Variants in PDE5A observed in about 807,000 individuals in gnomAD.
PDE5A encodes phosphodiesterase 5A, also known as cGMP-specific 3',5'-cyclic phosphodiesterase.
Under a neutral mutation model 110.2 loss-of-function variants are expected in PDE5A, and 67 were observed. The observed-to-expected ratio is 0.61, with a 90% CI of 0.50 to 0.75. The LOEUF (loss-of-function observed/expected upper bound fraction) is 0.75. Among genes scored for constraint, PDE5A ranks in the 30% least tolerant of loss-of-function variants. The pLI, the probability that PDE5A is intolerant of heterozygous loss-of-function variation, is 0.00. For missense variants in PDE5A, 862 were observed against 1,045.1 expected (o/e 0.82, Z 2.42); for synonymous variants, 328 against 351.2 (o/e 0.93, Z 0.74).
intron 3 of PDE5A, among the ~76,000 whole-genome samples, chr4:119,592,719 T>C (rs1729022684): frequency 6.6e-6 from 1 of 152,106 alleles, no homozygotes; most frequent in Non-Finnish European, 1.5e-5. Context: ...CATTTTGGAT[T>C]TTCAAATTAG....
At chr4:119,568,536 C>T (rs888383242) in intron 3 of PDE5A, among the ~76,000 whole-genome samples, 16 of 152,156 alleles carry the variant, frequency 1.1e-4, no homozygotes, top group East Asian at 1.9e-4. Flanking sequence ...TTACTCTGAA[C>T]GAGCTCAGAA....
At chr4:119,538,858 GTTAA>G (rs987574167) in intron 11 of PDE5A, 98 bp downstream of exon 11, 12 of 874,390 alleles carry the variant, frequency 1.4e-5, no homozygotes, top group South Asian at 1.2e-4. Context: ...AGAAAGCAGA[GTTAA>G]TTAAACATTT....
At chr4:119,572,252 T>C (rs1728166169) in intron 3 of PDE5A, among the ~76,000 whole-genome samples, 1 of 152,262 alleles carries the variant, frequency 6.6e-6, no homozygotes, top group Non-Finnish European at 1.5e-5. Context: ...ATTTATATTT[T>C]ATGCTATTAT....
intron 1 of PDE5A, among the ~76,000 whole-genome samples, chr4:119,615,503 G>A (rs1189616766): frequency 6.6e-6 from 1 of 151,834 alleles, no homozygotes; most frequent in East Asian, 1.9e-4. Context: ...ACAGGTTGAG[G>A]GGCCCTAACT....
chr4:119,563,669 C>G (rs988266155), intron 5 of PDE5A, among the ~76,000 whole-genome samples: 1 of 152,050 alleles, frequency 6.6e-6, no homozygotes, highest in African/African-American at 2.4e-5. Flanking sequence ...AGAGCACAGA[C>G]TATAAAGAGA....
At chr4:119,500,970 ATAG>A (rs1725299710) in intron 20 of PDE5A, 197 bp downstream of exon 20, 1 of 544,454 alleles carries the variant, frequency 1.8e-6, no homozygotes, top group South Asian at 2.4e-5. Context: ...AGATTAGCAC[ATAG>A]TAGGCACTCA....
At chr4:119,596,459 C>A in intron 3 of PDE5A, 64 bp downstream of exon 3, 1 of 845,180 alleles carries the variant, frequency 1.2e-6, no homozygotes, top group Non-Finnish European at 1.9e-6. Flanking sequence ...AAAGTAAATA[C>A]AAAATATTTT....
intron 9 of PDE5A, chr4:119,550,063 C>G (rs1222958050): frequency 6.6e-6 from 1 of 152,168 alleles, no homozygotes; most frequent in Non-Finnish European, 1.5e-5. Flanking sequence ...ATGACATTTT[C>G]CATGCTACAA....
intron 16 of PDE5A, among the ~76,000 whole-genome samples, chr4:119,506,219 C>T (rs1725549070): frequency 6.6e-6 from 1 of 151,468 alleles, no homozygotes; most frequent in South Asian, 2.1e-4. Context: ...AAAAATGAAA[C>T]AGTATGAGTT....
At position 119,498,174 on chromosome 4, in the gene PDE5A, G is replaced by A. The variant is rs139582792; in HGVS notation, c.*427C>T. ...ATAAAGGCTTTAAATGTCACAGAAT[G>A]TATGATAATTTGCTCCTAACCTACT... On this transcript the variant is annotated 3_prime_UTR_variant, in exon 21 of 21. Transcript: ENST00000354960. 2.0e-3 allele frequency: 313 copies of A among 155,998 alleles called. No individual in the cohort carries two copies. Among genetic ancestry groups the A allele is most frequent in the African/African-American group, 7.3e-3 (302 of 41,612 alleles). 9.7% of individuals were successfully genotyped at this position (155,998 alleles called of 1,614,324 possible).
chr4:119,544,026 G>A (rs940977258), intron 9 of PDE5A, among the ~76,000 whole-genome samples: 7 of 152,154 alleles, frequency 4.6e-5, no homozygotes, highest in Middle Eastern at 3.4e-3. Context: ...AATGTTTTCC[G>A]AATTAATGAA....
intron 7 of PDE5A, among the ~76,000 whole-genome samples, chr4:119,555,862 A>C (rs1300662418): frequency 2.0e-5 from 3 of 152,164 alleles, no homozygotes; most frequent in Non-Finnish European, 4.4e-5. Flanking sequence ...TTAAGTGAAA[A>C]ATGAGCATTA....
chr4:119,542,344 T>TAATTTTGGTGAGGACAC (rs1167341026), intron 10 of PDE5A, 115 bp downstream of exon 10: 11 of 857,926 alleles, frequency 1.3e-5, no homozygotes, highest in African/African-American at 1.7e-5. Context: ...CTAAATCACA[T>TAATTTTGGTGAGGACAC]AATTTTGGTG....
chr4:119,574,240 T>C (rs916252041), intron 3 of PDE5A, among the ~76,000 whole-genome samples: 3 of 133,044 alleles, frequency 2.3e-5, no homozygotes, highest in African/African-American at 8.5e-5. Context: ...TGGAGTGTAA[T>C]GATGCGCTCT....
intron 2 of PDE5A, among the ~76,000 whole-genome samples, chr4:119,605,448 A>G (rs368428406): frequency 2.6e-5 from 4 of 152,210 alleles, no homozygotes; most frequent in African/African-American, 9.6e-5. Context: ...GGAGTTCAAG[A>G]CCAGCCTGGC....
intron 1 of PDE5A, among the ~76,000 whole-genome samples, chr4:119,621,231 G>T (rs1483749730): frequency 6.6e-6 from 1 of 152,174 alleles, no homozygotes; most frequent in Non-Finnish European, 1.5e-5. Flanking sequence ...TTCTGGGTCT[G>T]CCCACATCAC....
intron 15 of PDE5A, 34 bp downstream of exon 15, chr4:119,511,011 CTT>C (rs760693973): frequency 8.5e-7 from 1 of 1,175,006 alleles, no homozygotes; most frequent in Non-Finnish European, 1.2e-6. Flanking sequence ...ATAAAGCTCT[CTT>C]TTAAAATTCC....
intron 7 of PDE5A, among the ~76,000 whole-genome samples, chr4:119,555,972 T>C (rs936702849): frequency 2.3e-4 from 35 of 152,330 alleles, no homozygotes; most frequent in African/African-American, 7.5e-4. Flanking sequence ...ATTGAATACC[T>C]TCTCCATCAG....
intron 3 of PDE5A, among the ~76,000 whole-genome samples, chr4:119,576,641 A>C (rs1409358743): frequency 6.6e-6 from 1 of 152,238 alleles, no homozygotes; most frequent in Non-Finnish European, 1.5e-5. Flanking sequence ...GAAACCAACG[A>C]GAACAAAGAC....
Sources: gnomAD v4.1 joint callset for allele counts (sites outside exome capture counted in the v4.1 genomes callset) on GRCh38, gnomAD v4.1.1 for gene constraint, MANE v1.5 for transcripts, NCBI Gene and HGNC (gene_info 2026-07-23, HGNC 2026-07-21) for gene names.